Variants in TAB1 observed in about 807,000 individuals in gnomAD.
TAB1 encodes TGF-beta activated kinase 1 (MAP3K7) binding protein 1.
In TAB1, 30 loss-of-function variants were observed where a neutral mutation model predicts 54.5. That is an observed-to-expected ratio of 0.55 (90% CI 0.41 to 0.75). The LOEUF is 0.75. TAB1 is among the 30% of genes least tolerant of loss of function. The pLI, the probability that TAB1 is intolerant of heterozygous loss-of-function variation, is 0.00. For missense variants in TAB1, 609 were observed against 683.2 expected, an observed-to-expected ratio of 0.89 and a Z score of 1.21; for synonymous variants, 289 against 286.9, an observed-to-expected ratio of 1.01 and a Z score of -0.07.
chr22:39,433,997 C>T (rs528771089), downstream of TAB1, among the ~76,000 whole-genome samples: 1 of 152,248 alleles, frequency 6.6e-6, no homozygotes, highest in South Asian at 2.1e-4. Context: ...TCTTATTCCA[C>T]TAGGTCCCAG....
intron 8 of TAB1, among the ~76,000 whole-genome samples, chr22:39,426,078 C>T (rs562326017): frequency 6.6e-6 from 1 of 152,258 alleles, no homozygotes; most frequent in South Asian, 2.1e-4. Flanking sequence ...AAGCTGGTCT[C>T]GATCTCCTGA....
intron 1 of TAB1, among the ~76,000 whole-genome samples, chr22:39,411,886 C>T (rs1926621370): frequency 6.6e-6 from 1 of 152,160 alleles, no homozygotes; most frequent in African/African-American, 2.4e-5. Flanking sequence ...TGGTATATTA[C>T]TCTATGAAAG....
At chr22:39,416,140 A>G (rs928725995) in intron 3 of TAB1, among the ~76,000 whole-genome samples, 1 of 152,068 alleles carries the variant, frequency 6.6e-6, no homozygotes, top group Admixed American at 6.6e-5. Context: ...TTTCAGGAGC[A>G]TGTCTCAGGC....
At chr22:39,427,929 C>T (rs995705877) in intron 9 of TAB1, 92 bp from the exon 10 acceptor site, 21 of 1,308,524 alleles carry the variant, frequency 1.6e-5, no homozygotes, top group Non-Finnish European at 2.1e-5. Context: ...CCCTCAGGCA[C>T]CACCCCATCA....
At chr22:39,425,347 C>T (rs1927273763) in intron 8 of TAB1, among the ~76,000 whole-genome samples, 1 of 151,578 alleles carries the variant, frequency 6.6e-6, no homozygotes, top group Non-Finnish European at 1.5e-5. Context: ...CACAGCACTG[C>T]ACTCCAGCCT....
At chr22:39,418,625 A>G in intron 5 of TAB1, 107 bp from the exon 6 acceptor site, 2 of 806,142 alleles carry the variant, frequency 2.5e-6, no homozygotes, top group Non-Finnish European at 2.1e-6. Context: ...TGCCCATTTC[A>G]GGTATTTCCA....
chr22:39,418,781 G>A lies in TAB1; in HGVS notation c.600G>A (p.Val200=). The part of the protein sequence containing the change: ...LCKSTVDGLQ[V]TQLNVDHTTE... Reference sequence around the variant, plus strand: ...AATCGACAGTGGATGGGTTGCAGGTGACACAGCTGAACGTGGACCACACCA... The same window carrying A: ...AATCGACAGTGGATGGGTTGCAGGTAACACAGCTGAACGTGGACCACACCA... The change falls in exon 6 of 11, where the codon GTG becomes GTA. Residue 200 remains valine (V), a synonymous_variant. Transcript: ENST00000216160. The A allele has an allele frequency of 1.2e-6, 2 of 1,614,198 alleles. No individual in the cohort carries two copies. The highest frequency in any genetic ancestry group is 1.7e-6 in the Non-Finnish European group (2 of 1,180,024).
chr22:39,409,346 C>T (rs775785649), intron 1 of TAB1, among the ~76,000 whole-genome samples: 50 of 152,206 alleles, frequency 3.3e-4, no homozygotes, highest in Non-Finnish European at 5.0e-4. Flanking sequence ...TGAAAATATA[C>T]TAAGCAGATC....
rs1489351966 is a variant in TAB1, at chr22:39,399,785, C to A, written c.-18C>A. On this transcript the variant is annotated 5_prime_UTR_variant, in exon 1 of 11. Coordinates refer to ENST00000216160, the MANE Select transcript of TAB1 (RefSeq NM_006116.3). ...TGCTCTGCGGGGAGGCGGGCGCTCCCGCAGGGGTTCCTCCAAGATGGCGGC... is the reference window on the plus strand; with the variant it reads ...TGCTCTGCGGGGAGGCGGGCGCTCCAGCAGGGGTTCCTCCAAGATGGCGGC... The A allele has an allele frequency of 6.3e-7, 1 of 1,583,844 alleles. No individual in the cohort carries two copies. The highest frequency in any genetic ancestry group is 8.6e-7 in the Non-Finnish European group (1 of 1,165,518).
At chr22:39,401,115 A>G (rs945627791) in intron 1 of TAB1, among the ~76,000 whole-genome samples, 4 of 151,030 alleles carry the variant, frequency 2.6e-5, no homozygotes, top group Admixed American at 6.6e-5. Flanking sequence ...CTGTGTCTCT[A>G]TTATCTATCA....
At position 39,425,171 on chromosome 22, in the gene TAB1, G is replaced by A. The variant is rs950461806; in HGVS notation, c.922-1532G>A. Among the ~76,000 whole-genome samples the A allele has an allele frequency of 4.6e-5, 7 of 150,906 alleles. No homozygotes were observed. The South Asian group carries it at 8.4e-4, about 18-fold the overall frequency. ...GAAGATCACTTTAGGTCAGGAGATC[G>A]AGACCATCCTGGCTAATACGGTGAA... is the stretch of plus-strand genomic sequence containing the variant. On this transcript the variant is annotated intron_variant, in intron 8 of 10. Transcript: ENST00000216160.
chr22:39,404,071 T>G (rs907202145), intron 1 of TAB1, among the ~76,000 whole-genome samples: 5 of 152,144 alleles, frequency 3.3e-5, no homozygotes, highest in Non-Finnish European at 5.9e-5. Context: ...GTGGGAAGTA[T>G]CAGATTCCAG....
chr22:39,403,507 G>C (rs1038662941), intron 1 of TAB1, among the ~76,000 whole-genome samples: 1 of 152,138 alleles, frequency 6.6e-6, no homozygotes, highest in Non-Finnish European at 1.5e-5. Flanking sequence ...TGAGGGAGCC[G>C]GGGGCCATGC....
At chr22:39,403,834 C>T (rs900688001) in intron 1 of TAB1, among the ~76,000 whole-genome samples, 17 of 151,622 alleles carry the variant, frequency 1.1e-4, no homozygotes, top group African/African-American at 3.4e-4. Context: ...TTAGTAGAGA[C>T]GGGGTTTCAC....
At chr22:39,433,455 GAAAAAA>G, downstream of TAB1, 1 of 876,780 alleles carries the variant, frequency 1.1e-6, no homozygotes, top group Non-Finnish European at 1.4e-6. Flanking sequence ...CCTGTCTCAA[GAAAAAA>G]AAAAAAGACA....
At chr22:39,401,182 C>G (rs573992729) in intron 1 of TAB1, among the ~76,000 whole-genome samples, 50 of 152,254 alleles carry the variant, frequency 3.3e-4, no homozygotes, top group African/African-American at 1.2e-3. Flanking sequence ...AGGTTTGTAG[C>G]CAGGTCCAGT....
chr22:39,408,145 T>C (rs186449696), intron 1 of TAB1, among the ~76,000 whole-genome samples: 12 of 152,380 alleles, frequency 7.9e-5, no homozygotes, highest in Non-Finnish European at 1.5e-5. Context: ...TCCAGAAATA[T>C]TACTGCCTCA....
Position 39,431,369 on chromosome 22 carries a change from C to G in TAB1, c.*1147C>G. 1 of 985,484 alleles carries G rather than the reference C, an allele frequency of 1.0e-6. No homozygotes were observed. The allele number at this position is 985,484 out of a possible 1,614,324, so 61.0% of individuals were successfully genotyped here. ...GCAGGCCGAGAGACTTGCACCTTGG[C>G]CAAGCCACACAATCAGTGGGGCAGC... is the stretch of plus-strand genomic sequence containing the variant. On this transcript the variant is annotated 3_prime_UTR_variant, in exon 11 of 11. Coordinates refer to ENST00000216160, the MANE Select transcript of TAB1 (RefSeq NM_006116.3).
Position 39,412,661 on chromosome 22 carries a change from A to G in TAB1, c.34-2345A>G, listed in dbSNP as rs184019706. On this transcript the variant is annotated intron_variant, in intron 1 of 10. Transcript: ENST00000216160. The stretch of plus-strand genomic sequence containing the variant: ...AAAAAGTGAAGTCACTCCTGTCAGT[A>G]TATAACTAAACAGAAGCTACAATTT... 2.0e-4 allele frequency among the ~76,000 whole-genome samples: 31 copies of G among 152,334 alleles called. No homozygotes were observed. In the East Asian group the frequency reaches 5.8e-3, roughly 28 times the overall value.
Sources: gnomAD v4.1 joint callset for allele counts (sites outside exome capture counted in the v4.1 genomes callset) on GRCh38, gnomAD v4.1.1 for gene constraint, MANE v1.5 for transcripts, NCBI Gene and HGNC (gene_info 2026-07-23, HGNC 2026-07-21) for gene names.